AGMO: variants seen among roughly 807,000 people sequenced by gnomAD.
AGMO encodes glyceryl-ether monooxygenase.
Under a neutral mutation model 60.2 loss-of-function variants are expected in AGMO, and 75 were observed. The ratio of observed to expected loss-of-function variants is 1.25; its 90% CI spans 1.03 to 1.51. AGMO has a LOEUF of 1.51. Among genes scored for constraint, AGMO ranks in the 40% most tolerant of loss-of-function variants. The pLI, the probability that AGMO is intolerant of heterozygous loss-of-function variation, is 0.00. For synonymous variants in AGMO, 261 were observed against 177.1 expected (o/e 1.47, Z -3.76); for missense variants, 763 against 525.5 (o/e 1.45, Z -4.42).
At chr7:15,190,874 A>G in the AGMO span, among the ~76,000 whole-genome samples, 1 of 152,096 alleles carries the variant, frequency 6.6e-6, no homozygotes, top group Non-Finnish European at 1.5e-5. Context: ...AGGAAAGAAT[A>G]ACCAGACTGG....
chr7:15,418,682 T>A (rs775316598), intron 4 of AGMO, 29 bp from the exon 5 acceptor site: 12 of 1,352,166 alleles, frequency 8.9e-6, no homozygotes, highest in Middle Eastern at 2.4e-4. Context: ...AAAAAATTAA[T>A]TTGCATATAT....
chr7:15,422,007 G>A (rs1414032515), intron 4 of AGMO, among the ~76,000 whole-genome samples: 1 of 151,932 alleles, frequency 6.6e-6, no homozygotes, highest in Non-Finnish European at 1.5e-5. Context: ...TTAAGAGACA[G>A]AGAGAAGACT....
chr7:15,119,303 G>A, the AGMO span, among the ~76,000 whole-genome samples: 2 of 151,872 alleles, frequency 1.3e-5, no homozygotes, highest in African/African-American at 4.8e-5. Flanking sequence ...AGAAGTTGAT[G>A]CTGCCATGCT....
At chr7:15,174,124 T>A in the AGMO span, among the ~76,000 whole-genome samples, 6 of 152,044 alleles carry the variant, frequency 3.9e-5, no homozygotes, top group Non-Finnish European at 8.8e-5. Context: ...CTTTTTTACA[T>A]TTTTTGGTAC....
the AGMO span, among the ~76,000 whole-genome samples, chr7:15,143,301 C>G: frequency 4.8e-4 from 73 of 152,282 alleles, no homozygotes; most frequent in Middle Eastern, 3.4e-3. Flanking sequence ...AATCCCCTGA[C>G]GTCATGCATT....
chr7:15,161,383 G>T, the AGMO span, among the ~76,000 whole-genome samples: 1 of 151,704 alleles, frequency 6.6e-6, no homozygotes, highest in East Asian at 1.9e-4. Flanking sequence ...ACTCATCCAT[G>T]GATCTTCCTT....
the AGMO span, among the ~76,000 whole-genome samples, chr7:15,154,067 T>C: frequency 6.6e-6 from 1 of 152,100 alleles, no homozygotes; most frequent in Non-Finnish European, 1.5e-5. Flanking sequence ...GGCATCCAAA[T>C]TGGTAAAGAG....
At chr7:15,445,682 T>TA (rs1341878911) in intron 3 of AGMO, among the ~76,000 whole-genome samples, 3 of 152,082 alleles carry the variant, frequency 2.0e-5, no homozygotes, top group African/African-American at 4.8e-5. Context: ...ACATCAAACA[T>TA]AAAAAAACAA....
At chr7:15,312,624 A>C (rs1171005087) in intron 12 of AGMO, among the ~76,000 whole-genome samples, 2 of 152,136 alleles carry the variant, frequency 1.3e-5, no homozygotes, top group African/African-American at 2.4e-5. Flanking sequence ...TGTGAATCAA[A>C]GTATTTTAAG....
intron 10 of AGMO, among the ~76,000 whole-genome samples, chr7:15,375,161 C>A (rs1489433936): frequency 6.6e-6 from 1 of 151,984 alleles, no homozygotes; most frequent in East Asian, 1.9e-4. Flanking sequence ...AACATATTAT[C>A]TTTTTTGAAT....
intron 12 of AGMO, among the ~76,000 whole-genome samples, chr7:15,237,139 C>T (rs76154592): frequency 0.012 from 1,785 of 152,072 alleles, 39 homozygotes; most frequent in African/African-American, 0.041. Flanking sequence ...TGTGCAGCTC[C>T]GTATGTGCAT....
At chr7:15,412,733 A>C (rs62439276) in intron 5 of AGMO, among the ~76,000 whole-genome samples, 10,768 of 150,892 alleles carry the variant, frequency 0.071, 613 homozygotes, top group African/African-American at 0.15. Context: ...AAAATTGAAG[A>C]TCACCAAGGA....
At chr7:15,410,132 C>G (rs1194531136) in intron 5 of AGMO, among the ~76,000 whole-genome samples, 2 of 151,594 alleles carry the variant, frequency 1.3e-5, no homozygotes, top group African/African-American at 2.4e-5. Context: ...AAACTTCAGT[C>G]CTTTTAAAAT....
chr7:15,245,012 A>G (rs957641650), intron 12 of AGMO, among the ~76,000 whole-genome samples: 1 of 152,138 alleles, frequency 6.6e-6, no homozygotes, highest in Admixed American at 6.5e-5. Context: ...TCTTGGAAAA[A>G]ATACATATCT....
At chr7:15,282,430 T>C (rs1469685361) in intron 12 of AGMO, among the ~76,000 whole-genome samples, 2 of 152,034 alleles carry the variant, frequency 1.3e-5, no homozygotes, top group Non-Finnish European at 2.9e-5. Context: ...AGTTACAAAA[T>C]GTAGTGGAAT....
intron 12 of AGMO, among the ~76,000 whole-genome samples, chr7:15,308,896 C>G (rs1374781533): frequency 6.6e-6 from 1 of 152,088 alleles, no homozygotes; most frequent in Non-Finnish European, 1.5e-5. Context: ...AAAACAGATT[C>G]AATCCAATTT....
chr7:15,396,984 T>C (rs1408159806), intron 5 of AGMO, among the ~76,000 whole-genome samples: 1 of 152,158 alleles, frequency 6.6e-6, no homozygotes, highest in Non-Finnish European at 1.5e-5. Context: ...AACCTTTAAC[T>C]AGACATAGAG....
In AGMO at chr7:15,460,278, G is replaced by A. The variant is rs558397500; in HGVS notation, c.410-29170C>T. On this transcript the variant is annotated intron_variant, in intron 3 of 12. Transcript: ENST00000342526. ...AATTTGTTGTATTTTTAGTAGAGATGGGGTTTCGCCATGTTGGCCAGGCTG... is the reference window on the plus strand; with the variant it reads ...AATTTGTTGTATTTTTAGTAGAGATAGGGTTTCGCCATGTTGGCCAGGCTG... 4.0e-5 allele frequency among the ~76,000 whole-genome samples: 6 copies of A among 151,852 alleles called. No homozygotes were observed. In the South Asian group the frequency reaches 8.3e-4, roughly 21 times the overall value.
chr7:15,296,718 C>T (rs1420024080), intron 12 of AGMO, among the ~76,000 whole-genome samples: 2 of 152,058 alleles, frequency 1.3e-5, no homozygotes, highest in African/African-American at 2.4e-5. Context: ...TTCTGTTAGT[C>T]CCTCTCTACC....
Sources: allele counts gnomAD v4.1 joint callset (sites outside exome capture counted in the v4.1 genomes callset), GRCh38; gene constraint gnomAD v4.1.1; transcripts MANE v1.5; gene names NCBI Gene and HGNC (gene_info 2026-07-23, HGNC 2026-07-21).